The following SLC5A4 variants were observed in gnomAD, a reference collection of about 807,000 sequenced individuals.
SLC5A4 encodes the protein probable glucose sensor protein SLC5A4.
A neutral mutation model predicts 70.3 loss-of-function variants in SLC5A4; 55 were observed. The observed-to-expected ratio is 0.78, with a 90% CI of 0.63 to 0.98. The LOEUF (loss-of-function observed/expected upper bound fraction) is 0.98, where lower values mean the gene tolerates loss of function less well. Ranked by LOEUF, SLC5A4 falls within the 50% of genes least tolerant of loss-of-function variation. The pLI is 0.00. For missense variants in SLC5A4, 735 were observed against 839.2 expected (o/e 0.88, Z 1.53); for synonymous variants, 268 against 305.7 (o/e 0.88, Z 1.29).
chr22:32,251,634 C>T (rs967045304), intron 3 of SLC5A4, 136 bp downstream of exon 3: 9 of 652,808 alleles, frequency 1.4e-5, no homozygotes, highest in Non-Finnish European at 2.4e-5. Flanking sequence ...ACTTCCCAGC[C>T]TTCAGAGCTG....
At chr22:32,277,972 T>C in the SLC5A4 span, among the ~76,000 whole-genome samples, 2 of 150,952 alleles carry the variant, frequency 1.3e-5, no homozygotes, top group Non-Finnish European at 1.5e-5. Flanking sequence ...TTCAGAGCTG[T>C]GGCCCACAGC....
At chr22:32,339,332 A>G in the SLC5A4 span, among the ~76,000 whole-genome samples, 1 of 152,064 alleles carries the variant, frequency 6.6e-6, no homozygotes, top group Non-Finnish European at 1.5e-5. Flanking sequence ...CCTTACAATC[A>G]TCTCACAACC....
chr22:32,275,798 T>G, the SLC5A4 span, among the ~76,000 whole-genome samples: 81 of 152,362 alleles, frequency 5.3e-4, no homozygotes, highest in African/African-American at 1.8e-3. Flanking sequence ...CCACACTGAC[T>G]TCCACAATGG....
chr22:32,253,569 C>T (rs1382489954), intron 2 of SLC5A4, among the ~76,000 whole-genome samples: 1 of 152,172 alleles, frequency 6.6e-6, no homozygotes, highest in Non-Finnish European at 1.5e-5. Flanking sequence ...CAGGAGAAGA[C>T]TCTTGATAAG....
In SLC5A4 at chr22:32,250,518, TA is replaced by T. The variant is rs1927079456; in HGVS notation, c.312+1251del. Among the ~76,000 whole-genome samples, 4 of 152,280 alleles carry T rather than the reference TA, an allele frequency of 2.6e-5. No individual in the cohort carries two copies. In the South Asian group the frequency reaches 8.3e-4, roughly 32 times the overall value. The stretch of plus-strand genomic sequence containing the variant: ...AGAGCAAGGCTGTGGGAGTGCAAAT[TA>T]GTTCAAACATTGTGGAAGGCAGTGT... On this transcript the variant is annotated intron_variant, in intron 3 of 14. Transcript: ENST00000266086.
chr22:32,315,836 G>T, the SLC5A4 span, among the ~76,000 whole-genome samples: 3 of 150,244 alleles, frequency 2.0e-5, no homozygotes, highest in South Asian at 6.3e-4. Flanking sequence ...CACAAACAAG[G>T]GCACTGAAGG....
At chr22:32,328,099 C>CAGACACACACCAGAGCCCCCAAA in the SLC5A4 span, among the ~76,000 whole-genome samples, 2 of 151,482 alleles carry the variant, frequency 1.3e-5, no homozygotes, top group Admixed American at 1.3e-4. Flanking sequence ...AACACACAAA[C>CAGACACACACCAGAGCCCCCAAA]ACACACACAC....
At chr22:32,271,250 T>C in the SLC5A4 span, 1 of 794,006 alleles carries the variant, frequency 1.3e-6, no homozygotes, top group Non-Finnish European at 2.2e-6. Flanking sequence ...GGGCAGCGGG[T>C]CCTCATGGAC....
chr22:32,325,522 C>T, the SLC5A4 span, among the ~76,000 whole-genome samples: 5 of 152,184 alleles, frequency 3.3e-5, no homozygotes, highest in Non-Finnish European at 5.9e-5. Context: ...AAGATGCTCC[C>T]GGCAGGGGTG....
chr22:32,243,083 T>C (rs1488968225), intron 5 of SLC5A4, among the ~76,000 whole-genome samples: 1 of 152,142 alleles, frequency 6.6e-6, no homozygotes, highest in Non-Finnish European at 1.5e-5. Flanking sequence ...ACCAGGTGAT[T>C]AAAATTAACA....
the SLC5A4 span, among the ~76,000 whole-genome samples, chr22:32,316,272 GGAT>G: frequency 6.6e-6 from 1 of 151,002 alleles, no homozygotes; most frequent in Non-Finnish European, 1.5e-5. Flanking sequence ...TTTAAAAAAA[GGAT>G]GAGCAGAAGC....
the SLC5A4 span, chr22:32,271,128 C>T: frequency 6.2e-6 from 4 of 648,162 alleles, no homozygotes; most frequent in African/African-American, 7.1e-5. Flanking sequence ...ACTCTGTACC[C>T]TTCCAGACAG....
the SLC5A4 span, chr22:32,271,560 A>C: frequency 8.5e-6 from 6 of 705,766 alleles, no homozygotes; most frequent in Non-Finnish European, 1.6e-5. Context: ...CACAGAGGAG[A>C]GGGTCGGGCC....
At chr22:32,275,343 T>A in the SLC5A4 span, among the ~76,000 whole-genome samples, 1 of 152,224 alleles carries the variant, frequency 6.6e-6, no homozygotes, top group African/African-American at 2.4e-5. Context: ...CATTTAGCAT[T>A]AGGTATATCT....
chr22:32,223,464 A>G (rs75921573), intron 13 of SLC5A4, among the ~76,000 whole-genome samples: 1,546 of 152,338 alleles, frequency 0.01, 26 homozygotes, highest in African/African-American at 0.035. Context: ...ATTAAATATT[A>G]TTCATATTAA....
At chr22:32,243,602 G>A (rs1452407915) in intron 5 of SLC5A4, among the ~76,000 whole-genome samples, 1 of 152,120 alleles carries the variant, frequency 6.6e-6, no homozygotes, top group African/African-American at 2.4e-5. Context: ...AGTAAAGACT[G>A]GATCAGGTAA....
chr22:32,291,937 A>G, the SLC5A4 span, among the ~76,000 whole-genome samples: 2 of 144,860 alleles, frequency 1.4e-5, no homozygotes, highest in Admixed American at 7.0e-5. Context: ...CAATGGCACA[A>G]TCTTGGCTCA....
intron 14 of SLC5A4, among the ~76,000 whole-genome samples, chr22:32,219,203 C>T (rs1038961349): frequency 3.9e-5 from 6 of 152,100 alleles, no homozygotes; most frequent in South Asian, 2.1e-4. Flanking sequence ...AGTGAGTTTG[C>T]GTGGAAACAG....
the SLC5A4 span, chr22:32,327,390 G>C: frequency 6.6e-6 from 1 of 152,314 alleles, no homozygotes; most frequent in Non-Finnish European, 1.5e-5. Flanking sequence ...CACCTGCCTT[G>C]TCAAAGCCCT....
Sources: gnomAD v4.1 joint callset for allele counts (sites outside exome capture counted in the v4.1 genomes callset) on GRCh38, gnomAD v4.1.1 for gene constraint, MANE v1.5 for transcripts, NCBI Gene and HGNC (gene_info 2026-07-23, HGNC 2026-07-21) for gene names.